Variants in GUCY2C observed in about 807,000 individuals in gnomAD.
The protein encoded by GUCY2C is guanylyl cyclase C.
GUCY2C carries 118 observed loss-of-function variants against 131.1 expected under a neutral mutation model. That is an observed-to-expected ratio of 0.90 (90% CI 0.78 to 1.05). The LOEUF (loss-of-function observed/expected upper bound fraction) is 1.05. GUCY2C is among the 50% of genes least tolerant of loss of function. The pLI is 0.00. For missense variants in GUCY2C, 1,161 were observed against 1,304.4 expected, an observed-to-expected ratio of 0.89 and a Z score of 1.69; for synonymous variants, 452 against 457.8, an observed-to-expected ratio of 0.99 and a Z score of 0.16.
At chr12:14,621,248 C>CG (rs757663702) in intron 22 of GUCY2C, 32 bp from the exon 23 acceptor site, 1 of 1,575,148 alleles carries the variant, frequency 6.3e-7, no homozygotes, top group East Asian at 2.2e-5. Flanking sequence ...AGTGCCTCTG[C>CG]CCCTTTGAAA....
intron 15 of GUCY2C, among the ~76,000 whole-genome samples, chr12:14,646,037 C>T (rs971112833): frequency 5.3e-5 from 8 of 151,934 alleles, no homozygotes; most frequent in Admixed American, 5.3e-4. Context: ...GGTTTCGCTA[C>T]GTTGGCCAGG....
intron 8 of GUCY2C, among the ~76,000 whole-genome samples, chr12:14,673,341 A>C (rs1209271782): frequency 6.6e-6 from 1 of 152,062 alleles, no homozygotes; most frequent in Non-Finnish European, 1.5e-5. Flanking sequence ...GAAGATCAAA[A>C]TTTTTTCACT....
At chr12:14,623,156 G>A (rs541007546) in intron 21 of GUCY2C, among the ~76,000 whole-genome samples, 11 of 152,308 alleles carry the variant, frequency 7.2e-5, no homozygotes, top group African/African-American at 1.9e-4. Context: ...TCCCACAGCC[G>A]ATTAGGGACA....
chr12:14,662,730 A>G (rs1057397076), intron 10 of GUCY2C, among the ~76,000 whole-genome samples: 3 of 151,942 alleles, frequency 2.0e-5, no homozygotes, highest in Non-Finnish European at 4.4e-5. Context: ...TTAGCTTTAT[A>G]TAAATAATAT....
chr12:14,614,636 C>T (rs1037324947), intron 26 of GUCY2C: 1 of 460,604 alleles, frequency 2.2e-6, no homozygotes, highest in African/African-American at 2.1e-5. Flanking sequence ...ACAGGGAAGC[C>T]AAGGCTAAAT....
At chr12:14,642,531 G>T (rs1275522217) in intron 17 of GUCY2C, among the ~76,000 whole-genome samples, 1 of 152,118 alleles carries the variant, frequency 6.6e-6, no homozygotes, top group Admixed American at 6.5e-5. Context: ...TTTTGAATTT[G>T]TGTCTTGTGA....
At chr12:14,630,722 C>T (rs1277191318) in intron 19 of GUCY2C, among the ~76,000 whole-genome samples, 3 of 152,148 alleles carry the variant, frequency 2.0e-5, no homozygotes, top group South Asian at 4.2e-4. Context: ...GATGGAGAGA[C>T]GACTCTACTG....
At chr12:14,684,457 C>A (rs1948417058) in intron 3 of GUCY2C, among the ~76,000 whole-genome samples, 1 of 152,006 alleles carries the variant, frequency 6.6e-6, no homozygotes, top group African/African-American at 2.4e-5. Flanking sequence ...GAAGCTTAGT[C>A]CCCTCAAGCA....
chr12:14,679,840 G>T, intron 5 of GUCY2C, 87 bp from the exon 6 acceptor site: 1 of 683,878 alleles, frequency 1.5e-6, no homozygotes, highest in Non-Finnish European at 2.6e-6. Flanking sequence ...TTTGAATCCA[G>T]TATGTTAATG....
chr12:14,637,296 A>G lies in GUCY2C; in HGVS notation c.2157+2566T>C, dbSNP rs149643667. Among the ~76,000 whole-genome samples the G allele has an allele frequency of 9.9e-5, 15 of 152,156 alleles. No individual in the cohort carries two copies. In the East Asian group the frequency reaches 2.7e-3, roughly 27 times the overall value. On this transcript the variant is annotated intron_variant, in intron 19 of 26. Transcript: ENST00000261170. The stretch of plus-strand genomic sequence containing the variant: ...ACTGATGAAAATGAAGAGGACAAAA[A>G]CAAATGGAATGATATCCCATGCTCA...
chr12:14,613,209 T>G lies in GUCY2C; in HGVS notation c.3130A>C (p.Ser1044Arg), dbSNP rs778831664. 3 of 1,613,590 alleles carry G rather than the reference T, an allele frequency of 1.9e-6. No individual in the cohort carries two copies. Among genetic ancestry groups the G allele is most frequent in the Non-Finnish European group, 2.5e-6 (3 of 1,179,576 alleles). The change falls in exon 27 of 27, where the codon AGC (serine) becomes CGC (arginine). Residue 1044 changes from serine to arginine, a missense_variant. By Grantham distance (110) the Ser-to-Arg change is moderately radical. Transcript: ENST00000261170. The surrounding 1 kb of genome is among the most constrained non-coding windows in gnomAD (Gnocchi z 4.9). ...CTGGCTACCCGTCTGGGTTTTTGGCTTCTTATCCCTGCTGCCTGTCTTTTC... is the reference window on the plus strand; with the variant it reads ...CTGGCTACCCGTCTGGGTTTTTGGCGTCTTATCCCTGCTGCCTGTCTTTTC... ...LQKRQAAGIR[S>R]QKPRRVASYK...
Position 14,668,124 on chromosome 12 carries a change from C to T in GUCY2C, c.1282+1598G>A, listed in dbSNP as rs544988729. 2.9e-3 allele frequency among the ~76,000 whole-genome samples: 433 copies of T among 150,740 alleles called. 5 individuals carry two copies. The highest frequency in any genetic ancestry group is 4.7e-3 in the Non-Finnish European group (317 of 67,808). On this transcript the variant is annotated intron_variant, in intron 10 of 26. Transcript: ENST00000261170. ...GCTCAAGTGATCCTCCCACCTCAGC[C>T]TCCTGAGTAGCTGGGACCACAGGTA... is the stretch of plus-strand genomic sequence containing the variant.
chr12:14,640,570 A>C (rs1165612728), intron 18 of GUCY2C, among the ~76,000 whole-genome samples: 1 of 152,050 alleles, frequency 6.6e-6, no homozygotes, highest in East Asian at 1.9e-4. Context: ...TCTTCTGTCC[A>C]TACTTTGACC....
At chr12:14,630,056 G>C (rs938462410) in intron 19 of GUCY2C, among the ~76,000 whole-genome samples, 2 of 151,760 alleles carry the variant, frequency 1.3e-5, no homozygotes, top group Admixed American at 1.3e-4. Context: ...TAGGGAGACA[G>C]GAGGAAGCCC....
chr12:14,689,534 G>C (rs767513945), intron 1 of GUCY2C, among the ~76,000 whole-genome samples: 1 of 152,178 alleles, frequency 6.6e-6, no homozygotes, highest in Non-Finnish European at 1.5e-5. Flanking sequence ...CTCAAAAGGG[G>C]TGTCTTGGTC....
chr12:14,615,526 A>G (rs1289827377), intron 25 of GUCY2C, among the ~76,000 whole-genome samples: 2 of 151,790 alleles, frequency 1.3e-5, no homozygotes, highest in East Asian at 1.9e-4. Context: ...AAAAAGAGAT[A>G]CAAAATACAT....
At chr12:14,631,229 A>AT (rs561270002) in intron 19 of GUCY2C, among the ~76,000 whole-genome samples, 42 of 152,048 alleles carry the variant, frequency 2.8e-4, no homozygotes, top group African/African-American at 9.6e-4. Flanking sequence ...CTTTTTTAAA[A>AT]TTTTTTTTAT....
Position 14,696,293 on chromosome 12 carries a change from T to C in GUCY2C, c.156A>G (p.Lys52=). 1 of 1,614,138 alleles carries C rather than the reference T, an allele frequency of 6.2e-7. No individual in the cohort carries two copies. Among genetic ancestry groups the C allele is most frequent in the Non-Finnish European group, 8.5e-7 (1 of 1,179,998 alleles). ...CCTCATTCACCGCATCTTCCAAGTT[T>C]TTCAGGGGCTCTGCAAAGGCTGAGT... The part of the protein sequence containing the change: ...MGNSAFAEPL[K]NLEDAVNEGL... The change falls in exon 1 of 27, where the codon AAA becomes AAG. Residue 52 remains lysine (K), a synonymous_variant. Coordinates refer to ENST00000261170, the MANE Select transcript of GUCY2C (RefSeq NM_004963.4).
intron 16 of GUCY2C, among the ~76,000 whole-genome samples, chr12:14,644,175 A>G (rs1947464748): frequency 7.1e-6 from 1 of 140,550 alleles, no homozygotes; most frequent in African/African-American, 2.5e-5. Flanking sequence ...GCAATGTTTC[A>G]TTCATTCTGT....
Sources: gnomAD v4.1 joint callset for allele counts (sites outside exome capture counted in the v4.1 genomes callset) on GRCh38, gnomAD v4.1.1 for gene constraint, Gnocchi (gnomAD v3.1) non-coding constraint, MANE v1.5 for transcripts, NCBI Gene and HGNC (gene_info 2026-07-23, HGNC 2026-07-21) for gene names.